VWA3B: variants seen among roughly 807,000 people sequenced by gnomAD.
VWA3B encodes von Willebrand factor A domain containing 3B.
A neutral mutation model predicts 158.3 loss-of-function variants in VWA3B; 138 were observed. The observed-to-expected ratio is 0.87, with a 90% CI of 0.76 to 1.00. VWA3B has a LOEUF of 1.00. VWA3B is among the 50% of genes least tolerant of loss of function. VWA3B has a pLI of 0.00. For synonymous variants in VWA3B, 596 were observed against 587.3 expected (o/e 1.01, Z -0.21); for missense variants, 1,555 against 1,565.1 (o/e 0.99, Z 0.11).
intron 12 of VWA3B, among the ~76,000 whole-genome samples, chr2:98,201,424 A>G (rs1011712649): frequency 2.0e-5 from 3 of 152,208 alleles, no homozygotes; most frequent in Non-Finnish European, 4.4e-5. Context: ...GATGTCATGT[A>G]TGAATAGAGA....
chr2:98,180,230 T>C (rs1407601284), intron 8 of VWA3B, among the ~76,000 whole-genome samples: 2 of 150,864 alleles, frequency 1.3e-5, no homozygotes. Context: ...AGTCTTGCTC[T>C]CTTGCCCAGG....
intron 24 of VWA3B, among the ~76,000 whole-genome samples, chr2:98,299,256 T>C (rs62155300): frequency 0.039 from 5,934 of 152,288 alleles, 168 homozygotes; most frequent in Middle Eastern, 0.075. Context: ...AAAGTCAGCA[T>C]GAATTGACCT....
chr2:98,193,893 G>C (rs1681810661), intron 11 of VWA3B, among the ~76,000 whole-genome samples: 1 of 152,114 alleles, frequency 6.6e-6, no homozygotes, highest in Non-Finnish European at 1.5e-5. Flanking sequence ...CAGCCAAAAT[G>C]CACTTTTTAA....
intron 7 of VWA3B, among the ~76,000 whole-genome samples, chr2:98,147,300 G>A (rs1646728890): frequency 6.6e-6 from 1 of 152,064 alleles, no homozygotes; most frequent in South Asian, 2.1e-4. Context: ...CAGGCTGTCA[G>A]GAGCACCTGA....
At chr2:98,117,002 C>A (rs1231795027) in intron 3 of VWA3B, among the ~76,000 whole-genome samples, 1 of 152,152 alleles carries the variant, frequency 6.6e-6, no homozygotes, top group Non-Finnish European at 1.5e-5. Flanking sequence ...ATGGCTATAT[C>A]ATCCAATTCT....
rs1292666248 is a variant in VWA3B at position 98,312,519 on chromosome 2, C to T, written c.*170C>T. On this transcript the variant is annotated 3_prime_UTR_variant, in exon 28 of 28. Transcript: ENST00000477737. ...CTCTCCCCTCCATCCCTGCTGCCTC[C>T]CCTACCCGTTTGACGACTTGGTTCT... 7.6e-6 allele frequency: 6 copies of T among 787,914 alleles called. No individual in the cohort carries two copies. Among genetic ancestry groups the T allele is most frequent in the Non-Finnish European group, 1.1e-5 (6 of 525,140 alleles). 48.8% of individuals were successfully genotyped at this position (787,914 alleles called of 1,614,324 possible). A position where few individuals can be genotyped will look rare whatever the true frequency, so the allele number is the denominator to read the frequency against.
At chr2:98,095,035 T>C (rs1232639652) in intron 2 of VWA3B, among the ~76,000 whole-genome samples, 1 of 152,188 alleles carries the variant, frequency 6.6e-6, no homozygotes, top group Non-Finnish European at 1.5e-5. Flanking sequence ...AGTTTTGTAG[T>C]ATATTTTGAA....
At chr2:98,217,005 G>A (rs1386688267) in intron 13 of VWA3B, 4 of 1,251,554 alleles carry the variant, frequency 3.2e-6, no homozygotes, top group South Asian at 1.3e-5. Context: ...CCAGTCTCAG[G>A]TGGTCCCTTC....
intron 7 of VWA3B, among the ~76,000 whole-genome samples, chr2:98,147,969 T>C (rs564445908): frequency 1.4e-4 from 22 of 152,162 alleles, no homozygotes; most frequent in South Asian, 4.2e-4. Flanking sequence ...GTTTGGTTTT[T>C]AGTCCTTGCA....
chr2:98,275,142 G>A (rs1192934704), intron 22 of VWA3B, among the ~76,000 whole-genome samples: 1 of 152,194 alleles, frequency 6.6e-6, no homozygotes, highest in East Asian at 1.9e-4. Context: ...CTTGGTTTGT[G>A]GTGCTGTAGG....
At chr2:98,229,318 G>A (rs960509066) in intron 15 of VWA3B, among the ~76,000 whole-genome samples, 1 of 152,240 alleles carries the variant, frequency 6.6e-6, no homozygotes, top group African/African-American at 2.4e-5. Flanking sequence ...TGCTGTGGGG[G>A]GCACAGTGCG....
At chr2:98,279,575 T>C (rs1394432) in intron 22 of VWA3B, among the ~76,000 whole-genome samples, 34,123 of 152,130 alleles carry the variant, frequency 0.22, 4,261 homozygotes, top group Non-Finnish European at 0.26. Context: ...GAAACGTTAA[T>C]GAAGGAACTC....
intron 2 of VWA3B, among the ~76,000 whole-genome samples, chr2:98,108,979 T>C (rs1359304891): frequency 6.7e-6 from 1 of 149,850 alleles, no homozygotes; most frequent in Non-Finnish European, 1.5e-5. Flanking sequence ...TTATCTATAA[T>C]GTTTCTTTTC....
chr2:98,123,212 G>A (rs1675101128), intron 5 of VWA3B, among the ~76,000 whole-genome samples: 1 of 152,206 alleles, frequency 6.6e-6, no homozygotes, highest in Admixed American at 6.5e-5. Context: ...AAAGATGGAA[G>A]GCTTAAAGAA....
At chr2:98,194,514 G>T in intron 12 of VWA3B, 22 bp downstream of exon 12, 1 of 1,611,860 alleles carries the variant, frequency 6.2e-7, no homozygotes, top group Non-Finnish European at 8.5e-7. Flanking sequence ...ACTAAGCTGG[G>T]AGAAGCATCC....
Position 98,253,592 on chromosome 2 carries a change from C to T in VWA3B, c.2793-2532C>T, listed in dbSNP as rs552613864. Among the ~76,000 whole-genome samples, 64 of 152,238 alleles carry T rather than the reference C, an allele frequency of 4.2e-4. 1 individual carries two copies. The South Asian group carries it at 0.011, about 27-fold the overall frequency. On this transcript the variant is annotated intron_variant, in intron 20 of 27. Transcript: ENST00000477737. Reference sequence around the variant, plus strand: ...GCTCTCAGATCACAGAAGCAGTATCCGTTCTAGCCTGGCTTGGGGACCATG... The same window carrying T: ...GCTCTCAGATCACAGAAGCAGTATCTGTTCTAGCCTGGCTTGGGGACCATG...
intron 3 of VWA3B, among the ~76,000 whole-genome samples, chr2:98,117,937 A>G (rs889088870): frequency 6.6e-6 from 1 of 151,920 alleles, no homozygotes; most frequent in African/African-American, 2.4e-5. Flanking sequence ...GGGTTTCACC[A>G]TGTTGGCCAG....
At chr2:98,187,448 G>A (rs1184721747) in intron 9 of VWA3B, among the ~76,000 whole-genome samples, 1 of 152,110 alleles carries the variant, frequency 6.6e-6, no homozygotes, top group East Asian at 1.9e-4. Flanking sequence ...CGCTAGATGT[G>A]CAGTGGGGTT....
At chr2:98,156,814 C>G (rs1194836330) in intron 7 of VWA3B, among the ~76,000 whole-genome samples, 5 of 151,876 alleles carry the variant, frequency 3.3e-5, no homozygotes, top group African/African-American at 1.2e-4. Flanking sequence ...TTCAGCTAAA[C>G]TTTGTTGATG....
Sources: allele counts gnomAD v4.1 joint callset (sites outside exome capture counted in the v4.1 genomes callset), GRCh38; gene constraint gnomAD v4.1.1; transcripts MANE v1.5; gene names NCBI Gene and HGNC (gene_info 2026-07-23, HGNC 2026-07-21).